The following TEX14 variants were observed in gnomAD, a reference collection of about 807,000 sequenced individuals.
TEX14 encodes inactive serine/threonine-protein kinase TEX14.
In TEX14, 168 loss-of-function variants were observed where a neutral mutation model predicts 178.6. The ratio of observed to expected loss-of-function variants is 0.94; its 90% confidence interval spans 0.83 to 1.07. The LOEUF (loss-of-function observed/expected upper bound fraction) is 1.07. Ranked by LOEUF, TEX14 falls within the 50% of genes least tolerant of loss-of-function variation. The pLI is 0.00. For synonymous variants in TEX14, 626 were observed against 634.1 expected (o/e 0.99, Z 0.19); for missense variants, 1,730 against 1,753.6 (o/e 0.99, Z 0.24).
At chr17:58,659,171 C>A (rs76345714) in intron 1 of TEX14, among the ~76,000 whole-genome samples, 55 of 151,284 alleles carry the variant, frequency 3.6e-4, no homozygotes, top group Non-Finnish European at 6.8e-4. Context: ...CAAAAGCAGT[C>A]CCCCACTACC....
intron 15 of TEX14, among the ~76,000 whole-genome samples, chr17:58,588,789 G>A (rs1434257064): frequency 1.3e-5 from 2 of 152,150 alleles, no homozygotes; most frequent in African/African-American, 2.4e-5. Context: ...TAACTAGCCA[G>A]GATGGTGGCT....
At chr17:58,650,657 T>A (rs1193788891) in intron 2 of TEX14, among the ~76,000 whole-genome samples, 1 of 151,950 alleles carries the variant, frequency 6.6e-6, no homozygotes, top group Non-Finnish European at 1.5e-5. Flanking sequence ...AGACAGGGTC[T>A]CACAGTGTTG....
intron 1 of TEX14, among the ~76,000 whole-genome samples, chr17:58,672,810 CA>C: frequency 1.3e-5 from 2 of 152,078 alleles, no homozygotes; most frequent in South Asian, 4.2e-4. Context: ...CGGCTTACTG[CA>C]ACCTTTGCCT....
Position 58,561,628 on chromosome 17 carries a change from T to G in TEX14, c.4065-16A>C, listed in dbSNP as rs2044275227. The G allele has an allele frequency of 6.4e-7, 1 of 1,562,574 alleles. No homozygotes were observed. Among genetic ancestry groups the G allele is most frequent in the Non-Finnish European group, 8.8e-7 (1 of 1,133,472 alleles). On this transcript the variant is annotated splice_polypyrimidine_tract_variant and intron_variant, in intron 28 of 31. Transcript: ENST00000349033. ...AGAGTGAGCTCTGTTTAAGGACAAG[T>G]GAAGAGAATGGAGACAACAGTCATT...
intron 2 of TEX14, among the ~76,000 whole-genome samples, chr17:58,647,455 C>T (rs2046736676): frequency 6.6e-6 from 1 of 151,178 alleles, no homozygotes; most frequent in Non-Finnish European, 1.5e-5. Context: ...TGGCGTGAAC[C>T]CGGGAGGCGG....
intron 2 of TEX14, among the ~76,000 whole-genome samples, chr17:58,648,947 G>A (rs550649287): frequency 1.3e-5 from 2 of 150,972 alleles, no homozygotes; most frequent in East Asian, 1.9e-4. Context: ...CCGCCACTGC[G>A]CCCAGCTAAA....
chr17:58,687,437 C>T (rs1161285047), intron 1 of TEX14, among the ~76,000 whole-genome samples: 1 of 152,080 alleles, frequency 6.6e-6, no homozygotes, highest in Non-Finnish European at 1.5e-5. Flanking sequence ...CCCATAGGTC[C>T]GTGCGGGTTA....
intron 2 of TEX14, among the ~76,000 whole-genome samples, chr17:58,645,789 G>A (rs930412256): frequency 6.6e-6 from 1 of 152,040 alleles, no homozygotes; most frequent in Non-Finnish European, 1.5e-5. Flanking sequence ...GTCATCCCTC[G>A]GTACCCATGG....
chr17:58,683,981 C>T (rs2047548044), intron 1 of TEX14, among the ~76,000 whole-genome samples: 1 of 152,064 alleles, frequency 6.6e-6, no homozygotes, highest in Non-Finnish European at 1.5e-5. Context: ...AGAAGAACTG[C>T]TTGAACCCGA....
chr17:58,632,757 C>A (rs1337377720), intron 2 of TEX14, among the ~76,000 whole-genome samples: 1 of 151,914 alleles, frequency 6.6e-6, no homozygotes, highest in Non-Finnish European at 1.5e-5. Flanking sequence ...TACTGGGAAT[C>A]GAAAATTAAA....
intron 1 of TEX14, 105 bp downstream of exon 1, chr17:58,691,834 C>T (rs1404358449): frequency 6.6e-6 from 1 of 152,200 alleles, no homozygotes; most frequent in Non-Finnish European, 1.5e-5. Flanking sequence ...TGCTTGAACA[C>T]CCCTTCCCAA....
intron 19 of TEX14, 28 bp from the exon 20 acceptor site, chr17:58,579,759 A>T (rs1275710287): frequency 6.3e-7 from 1 of 1,583,448 alleles, no homozygotes; most frequent in Non-Finnish European, 8.7e-7. Flanking sequence ...AAAAGCAAAG[A>T]AAGGAGGTTC....
At chr17:58,581,937 A>C (rs1372602253) in intron 19 of TEX14, among the ~76,000 whole-genome samples, 6 of 152,148 alleles carry the variant, frequency 3.9e-5, no homozygotes, top group Non-Finnish European at 2.9e-5. Context: ...CTGGAATAGC[A>C]TGAAGGAATG....
chr17:58,631,921 C>T (rs1434707172), intron 2 of TEX14: 1 of 152,222 alleles, frequency 6.6e-6, no homozygotes, highest in Non-Finnish European at 1.5e-5. Flanking sequence ...ACATTTTCCT[C>T]TCGAAAATAT....
intron 1 of TEX14, among the ~76,000 whole-genome samples, chr17:58,688,117 T>C (rs188586): frequency 3.7e-3 from 559 of 152,016 alleles, no homozygotes; most frequent in Non-Finnish European, 5.7e-3. Context: ...TTATAGACTT[T>C]TTTTGTTTTG....
chr17:58,660,367 C>G, intron 1 of TEX14: 1 of 289,940 alleles, frequency 3.4e-6, no homozygotes, highest in Non-Finnish European at 6.2e-6. Context: ...CGCCATTGCA[C>G]TCTAACCTGG....
chr17:58,679,423 A>G (rs1282710339), intron 1 of TEX14: 1 of 144,928 alleles, frequency 6.9e-6, no homozygotes, highest in Non-Finnish European at 1.6e-5. Context: ...TGACCATTAG[A>G]AGGCATCAAT....
At chr17:58,625,333 TC>T (rs1397648221) in intron 3 of TEX14, among the ~76,000 whole-genome samples, 1 of 151,868 alleles carries the variant, frequency 6.6e-6, no homozygotes, top group African/African-American at 2.4e-5. Context: ...CGAAGTTTCA[TC>T]ATGTTGGCCA....
At chr17:58,614,566 C>G (rs1466453756) in intron 8 of TEX14, among the ~76,000 whole-genome samples, 7 of 152,214 alleles carry the variant, frequency 4.6e-5, no homozygotes, top group African/African-American at 1.7e-4. Flanking sequence ...AGTCTCATGT[C>G]AAAGTCTATG....
Sources: gnomAD v4.1 joint callset for allele counts (sites outside exome capture counted in the v4.1 genomes callset) on GRCh38, gnomAD v4.1.1 for gene constraint, MANE v1.5 for transcripts, NCBI Gene and HGNC (gene_info 2026-07-23, HGNC 2026-07-21) for gene names.